The following DTX4 variants were observed in gnomAD, a reference collection of about 807,000 sequenced individuals.
The protein encoded by DTX4 is E3 ubiquitin-protein ligase DTX4.
Under a neutral mutation model 57.6 loss-of-function variants are expected in DTX4, and 28 were observed. The ratio of observed to expected loss-of-function variants is 0.49; its 90% CI spans 0.36 to 0.67. DTX4 has a LOEUF of 0.67. Ranked by LOEUF, DTX4 falls within the 30% of genes least tolerant of loss-of-function variation. DTX4 has a pLI of 0.00. For missense variants in DTX4, 715 were observed against 836.8 expected (o/e 0.85, Z 1.80); for synonymous variants, 316 against 331.0 (o/e 0.95, Z 0.49).
chr11:59,189,460 C>T lies in DTX4; in HGVS notation c.1159+137C>T, dbSNP rs1862569901. The T allele has an allele frequency of 3.7e-6, 3 of 815,990 alleles. No individual in the cohort carries two copies. In the South Asian group the frequency reaches 5.6e-5, roughly 15 times the overall value. 50.5% of individuals were successfully genotyped at this position (815,990 alleles called of 1,614,324 possible). ...TTTCTGCATCTGTAAGTGGGCCTAA[C>T]CAGTAAATCTTGACGATTATACCAC... is the stretch of plus-strand genomic sequence containing the variant. On this transcript the variant is annotated intron_variant, in intron 4 of 8. Transcript: ENST00000227451.
intron 1 of DTX4, among the ~76,000 whole-genome samples, chr11:59,176,381 A>C (rs1442338388): frequency 6.6e-6 from 1 of 152,264 alleles, no homozygotes; most frequent in Non-Finnish European, 1.5e-5. Flanking sequence ...GAAAGTGATT[A>C]AGTTGCTCAA....
rs184995978 is a variant in DTX4, at chr11:59,200,787, G to T, written c.1626+1014G>T. ...TCATTGGATTTTCAAAATCTTTCCC[G>T]ATCTCAAAAGGAGTAGGAACCATTG... On this transcript the variant is annotated intron_variant, in intron 8 of 8. Transcript: ENST00000227451. Among the ~76,000 whole-genome samples the T allele has an allele frequency of 1.5e-3, 230 of 152,296 alleles. 2 individuals are homozygous for T. The highest frequency in any genetic ancestry group is 5.1e-3 in the African/African-American group (211 of 41,570).
intron 4 of DTX4, among the ~76,000 whole-genome samples, chr11:59,189,950 C>T (rs1862576216): frequency 6.6e-6 from 1 of 152,340 alleles, no homozygotes; most frequent in Admixed American, 6.5e-5. Context: ...TTTCTGGTCA[C>T]TGGCATTAGT....
intron 7 of DTX4, among the ~76,000 whole-genome samples, chr11:59,196,736 A>C (rs1252210160): frequency 6.6e-6 from 1 of 151,726 alleles, no homozygotes; most frequent in African/African-American, 2.4e-5. Flanking sequence ...TAGGTCGTGC[A>C]CTCCTTATGA....
chr11:59,197,539 T>C (rs938129439), intron 7 of DTX4, among the ~76,000 whole-genome samples: 2 of 152,080 alleles, frequency 1.3e-5, no homozygotes, highest in African/African-American at 4.8e-5. Context: ...TCATCAGTTA[T>C]TGGATGTGCA....
At chr11:59,174,055 C>T (rs1246131233) in intron 1 of DTX4, among the ~76,000 whole-genome samples, 1 of 152,108 alleles carries the variant, frequency 6.6e-6, no homozygotes, top group Non-Finnish European at 1.5e-5. Context: ...TTGGAAAGCC[C>T]CCACATCCTG....
chr11:59,185,529 G>A (rs191455297), intron 2 of DTX4, among the ~76,000 whole-genome samples: 1 of 152,278 alleles, frequency 6.6e-6, no homozygotes, highest in African/African-American at 2.4e-5. Flanking sequence ...TGAAGGATGT[G>A]AGATGCATGC....
chr11:59,193,958 C>G (rs887939738), intron 6 of DTX4, among the ~76,000 whole-genome samples: 1 of 152,180 alleles, frequency 6.6e-6, no homozygotes, highest in African/African-American at 2.4e-5. Context: ...ACGTTGCTCC[C>G]AGCCCATGCG....
chr11:59,190,967 G>C (rs2135520706), intron 4 of DTX4, 147 bp from the exon 5 acceptor site: 1 of 689,406 alleles, frequency 1.5e-6, no homozygotes. Flanking sequence ...TCTCTTCCAT[G>C]TTCTTAACTT....
Position 59,202,949 on chromosome 11 carries a change from A to G in DTX4, c.1627-1727A>G, listed in dbSNP as rs796145803. On this transcript the variant is annotated intron_variant, in intron 8 of 8. Transcript: ENST00000227451. ...ACAAACCTGTACACCATGTTATTTT[A>G]TTGAATACTATAAGTAGTTGTATAA... Among the ~76,000 whole-genome samples the G allele has an allele frequency of 9.8e-5, 15 of 152,318 alleles. 1 individual carries two copies. The highest frequency in any genetic ancestry group is 3.6e-4 in the African/African-American group (15 of 41,578).
At chr11:59,179,902 CTACACACA>C (rs987276556) in intron 1 of DTX4, among the ~76,000 whole-genome samples, 5 of 151,426 alleles carry the variant, frequency 3.3e-5, no homozygotes, top group Admixed American at 1.3e-4. Context: ...CCCTACCACC[CTACACACA>C]TACACACACA....
chr11:59,172,031 A>G (rs1159595873), upstream of DTX4, among the ~76,000 whole-genome samples: 3 of 145,748 alleles, frequency 2.1e-5, no homozygotes, highest in Non-Finnish European at 4.5e-5. Flanking sequence ...GGAACTGAGC[A>G]GAGCCACAGG....
At chr11:59,184,480 G>A (rs1166379065) in intron 2 of DTX4, among the ~76,000 whole-genome samples, 1 of 152,260 alleles carries the variant, frequency 6.6e-6, no homozygotes, top group Non-Finnish European at 1.5e-5. Context: ...ATAGGCTGCT[G>A]TCATTGTGAT....
chr11:59,179,788 C>T (rs1862440093), intron 1 of DTX4, among the ~76,000 whole-genome samples: 1 of 152,230 alleles, frequency 6.6e-6, no homozygotes, highest in Non-Finnish European at 1.5e-5. Flanking sequence ...GAGTGAGGCC[C>T]AGGCAGGGTG....
rs1862816071 is a variant in DTX4 at position 59,206,731 on chromosome 11, C to CCTGTCACCCAGAT, written c.*1833_*1834insATCTGTCACCCAG. On this transcript the variant is annotated 3_prime_UTR_variant, in exon 9 of 9. Transcript: ENST00000227451. Reference sequence around the variant, plus strand: ...ACCTGCCTGTCAGTCGATTCACCTGCCTGTCACCCAGTTCTGTGGATGTGC... The same window carrying CCTGTCACCCAGAT: ...ACCTGCCTGTCAGTCGATTCACCTGCCTGTCACCCAGATCTGTCACCCAGTTCTGTGGATGTGC... 6.6e-6 allele frequency: 1 copy of CCTGTCACCCAGAT among 152,548 alleles called. No individual in the cohort carries two copies. The highest frequency in any genetic ancestry group is 2.1e-4 in the South Asian group (1 of 4,818). 9.4% of individuals were successfully genotyped at this position (152,548 alleles called of 1,614,324 possible).
chr11:59,207,830 G>A lies in DTX4; in HGVS notation c.*2921G>A, dbSNP rs982699358. ...TAATTGTGTATTTGTGGCTGCGTGT[G>A]CCTTTGTGTTTTCATTCTCTTCCCA... On this transcript the variant is annotated 3_prime_UTR_variant, in exon 9 of 9. Transcript: ENST00000227451. The A allele has an allele frequency of 3.9e-5, 6 of 152,568 alleles. No individual in the cohort carries two copies. Among genetic ancestry groups the A allele is most frequent in the Admixed American group, 3.9e-4 (6 of 15,278 alleles). The allele number at this position is 152,568 out of a possible 1,614,324, so 9.5% of individuals were successfully genotyped here. A position where few individuals can be genotyped will look rare whatever the true frequency, so the allele number is the denominator to read the frequency against.
At position 59,182,210 on chromosome 11, in the gene DTX4, A is replaced by G. The variant is rs1288394148; in HGVS notation, c.683A>G (p.Lys228Arg). 1 of 1,610,190 alleles carries G rather than the reference A, an allele frequency of 6.2e-7. No individual in the cohort carries two copies. The highest frequency in any genetic ancestry group is 8.5e-7 in the Non-Finnish European group (1 of 1,178,050). The stretch of plus-strand genomic sequence containing the variant: ...AACATGCCGCCTCCTGGAGTGGTCA[A>G]GCTACCCCCACTGCCAGGCTCTGGG... The part of the protein sequence containing the change: ...RKNMPPPGVV[K>R]LPPLPGSGAK... The change falls in exon 2 of 9, where the codon AAG becomes AGG. Residue 228 changes from lysine to arginine, a missense_variant. By Grantham distance (26) the Lys-to-Arg change is conservative. Coordinates refer to ENST00000227451, the MANE Select transcript of DTX4 (RefSeq NM_015177.2).
Position 59,172,403 on chromosome 11 carries a change from C to G in DTX4, c.-193C>G, listed in dbSNP as rs1862336901. 5.5e-6 allele frequency: 1 copy of G among 180,666 alleles called. No homozygotes were observed. 11.2% of individuals were successfully genotyped at this position (180,666 alleles called of 1,614,324 possible). On this transcript the variant is annotated 5_prime_UTR_variant, in exon 1 of 9. Transcript: ENST00000227451. ...GCGCGCGGTCCCAGCCAGGCGGCCC[C>G]GGTGTCCCGGCCCCGGTGGATGCAC...
chr11:59,187,832 GAGA>G (rs1433876221), intron 2 of DTX4, among the ~76,000 whole-genome samples: 1 of 152,244 alleles, frequency 6.6e-6, no homozygotes, highest in Non-Finnish European at 1.5e-5. Context: ...AGTTGCTGGG[GAGA>G]AGGACAGAAA....
Sources: gnomAD v4.1 joint callset for allele counts (sites outside exome capture counted in the v4.1 genomes callset) on GRCh38, gnomAD v4.1.1 for gene constraint, MANE v1.5 for transcripts, NCBI Gene and HGNC (gene_info 2026-07-23, HGNC 2026-07-21) for gene names.